The following BMP2K variants were observed in gnomAD, a reference collection of about 807,000 sequenced individuals.
BMP2K encodes BMP2 inducible kinase, also known as BMP-2-inducible protein kinase.
BMP2K carries 74 observed loss-of-function variants against 116.0 expected under a neutral mutation model. That is an observed-to-expected ratio of 0.64 (90% CI 0.53 to 0.77). The LOEUF is 0.77. Ranked by LOEUF, BMP2K falls within the 30% of genes least tolerant of loss-of-function variation. The pLI is 0.00. For missense variants in BMP2K, 1,365 were observed against 1,403.6 expected (o/e 0.97, Z 0.44); for synonymous variants, 486 against 502.5 (o/e 0.97, Z 0.44).
At chr4:78,909,744 T>G (rs1030356109) in intron 15 of BMP2K, among the ~76,000 whole-genome samples, 3 of 152,326 alleles carry the variant, frequency 2.0e-5, no homozygotes, top group African/African-American at 7.2e-5. Flanking sequence ...CCTGCTGTCC[T>G]TTATTTCAGA....
intron 9 of BMP2K, among the ~76,000 whole-genome samples, chr4:78,862,968 GT>G (rs1479091158): frequency 5.3e-5 from 8 of 151,950 alleles, no homozygotes; most frequent in African/African-American, 1.7e-4. Context: ...TGTGACTTCT[GT>G]TTTTTAAAAT....
At chr4:78,776,744 G>A in intron 1 of BMP2K, 23 bp downstream of exon 1, 6 of 1,220,086 alleles carry the variant, frequency 4.9e-6, no homozygotes, top group Non-Finnish European at 6.1e-6. Flanking sequence ...GGGGAGGCTC[G>A]GACAGGCAGG....
intron 13 of BMP2K, among the ~76,000 whole-genome samples, chr4:78,875,887 CAGAGCA>C (rs1208666855): frequency 6.6e-6 from 1 of 152,158 alleles, no homozygotes; most frequent in Admixed American, 6.5e-5. Context: ...ATCCAAGAGA[CAGAGCA>C]AGGAGGAATC....
At chr4:78,783,850 G>A (rs1727615731) in intron 1 of BMP2K, among the ~76,000 whole-genome samples, 1 of 151,824 alleles carries the variant, frequency 6.6e-6, no homozygotes, top group Non-Finnish European at 1.5e-5. Flanking sequence ...AAATAAAAGT[G>A]CTAAATTGTA....
intron 15 of BMP2K, among the ~76,000 whole-genome samples, chr4:78,888,799 A>G (rs891920838): frequency 2.0e-5 from 3 of 152,206 alleles, no homozygotes; most frequent in South Asian, 2.1e-4. Context: ...TGAATTGTCT[A>G]TCTTTGAATC....
At chr4:78,886,783 GGAT>G (rs1489280566) in intron 14 of BMP2K, among the ~76,000 whole-genome samples, 1 of 152,106 alleles carries the variant, frequency 6.6e-6, no homozygotes, top group African/African-American at 2.4e-5. Context: ...CCTACTTTAT[GGAT>G]GAATGACCAT....
chr4:78,800,053 C>A (rs1301920421), intron 1 of BMP2K, among the ~76,000 whole-genome samples: 1 of 152,154 alleles, frequency 6.6e-6, no homozygotes, highest in Non-Finnish European at 1.5e-5. Flanking sequence ...TTTACTCTTT[C>A]AATTTGAAAG....
intron 9 of BMP2K, 41 bp from the exon 10 acceptor site, chr4:78,865,516 T>G (rs1264965742): frequency 5.7e-6 from 9 of 1,574,422 alleles, no homozygotes; most frequent in Non-Finnish European, 7.8e-6. Context: ...AAATTAGAAA[T>G]AATCCCAGTA....
At chr4:78,878,161 A>G (rs1055304468) in intron 13 of BMP2K, among the ~76,000 whole-genome samples, 6 of 152,158 alleles carry the variant, frequency 3.9e-5, no homozygotes, top group Non-Finnish European at 8.8e-5. Context: ...TAATTTATAA[A>G]GCAGTCCTAG....
chr4:78,782,205 C>T (rs756404524), intron 1 of BMP2K, among the ~76,000 whole-genome samples: 2 of 152,162 alleles, frequency 1.3e-5, no homozygotes, highest in Non-Finnish European at 2.9e-5. Context: ...TGATCACTTC[C>T]TCCTTTCTGT....
At chr4:78,850,541 A>C (rs1176115088) in intron 6 of BMP2K, among the ~76,000 whole-genome samples, 1 of 151,980 alleles carries the variant, frequency 6.6e-6, no homozygotes, top group Admixed American at 6.6e-5. Flanking sequence ...ACTTTTAAAC[A>C]TGCTTTATAG....
intron 15 of BMP2K, among the ~76,000 whole-genome samples, chr4:78,892,466 C>T (rs1451787917): frequency 4.6e-5 from 7 of 152,072 alleles, no homozygotes; most frequent in Non-Finnish European, 1.0e-4. Context: ...TTTGTGTTTT[C>T]CCCTTTTTAT....
At chr4:78,861,547 G>A in intron 9 of BMP2K, 79 bp downstream of exon 9, 1 of 1,126,476 alleles carries the variant, frequency 8.9e-7, no homozygotes, top group South Asian at 1.4e-5. Flanking sequence ...AAGTGTAATT[G>A]ATTAAATATC....
intron 15 of BMP2K, among the ~76,000 whole-genome samples, chr4:78,892,103 C>T (rs1414055789): frequency 3.9e-5 from 6 of 152,062 alleles, no homozygotes; most frequent in African/African-American, 7.2e-5. Flanking sequence ...TTATGTTGGT[C>T]TCGTAAAATG....
chr4:78,883,095 A>G (rs985119907), intron 14 of BMP2K, among the ~76,000 whole-genome samples: 21 of 152,104 alleles, frequency 1.4e-4, no homozygotes, highest in Admixed American at 9.8e-4. Context: ...TTAAAATCCT[A>G]TATTTTTGCT....
Position 78,870,818 on chromosome 4 carries a change from T to C in BMP2K, c.1267T>C (p.Leu423=), listed in dbSNP as rs371557810. ...ACCTGGAAATGGCCCTGAAATTTTA[T>C]TGGGTCAGGGACCTCCTCAGCAGCC... is the stretch of plus-strand genomic sequence containing the variant. ...LRPGNGPEIL[L]GQGPPQQPPQ... The change falls in exon 11 of 16, where the codon TTG becomes CTG. Residue 423 remains leucine, a synonymous_variant. Transcript: ENST00000502613. The C allele has an allele frequency of 1.3e-4, 212 of 1,613,930 alleles. 1 individual carries two copies. The highest frequency in any genetic ancestry group is 4.3e-4 in the African/African-American group (32 of 74,910).
chr4:78,883,422 A>T (rs1010055235), intron 14 of BMP2K, among the ~76,000 whole-genome samples: 2 of 152,172 alleles, frequency 1.3e-5, no homozygotes, highest in Non-Finnish European at 2.9e-5. Flanking sequence ...ATGATTTTTT[A>T]AAAATTCAAT....
At chr4:78,799,416 T>G (rs1728459148) in intron 1 of BMP2K, among the ~76,000 whole-genome samples, 1 of 152,236 alleles carries the variant, frequency 6.6e-6, no homozygotes, top group African/African-American at 2.4e-5. Flanking sequence ...AATTTGAAAT[T>G]GGCATACAGG....
At chr4:78,802,906 A>G (rs927007196) in intron 1 of BMP2K, among the ~76,000 whole-genome samples, 1 of 151,564 alleles carries the variant, frequency 6.6e-6, no homozygotes, top group African/African-American at 2.4e-5. Context: ...CTGAAGTGCA[A>G]TGGCACATTC....
Sources: allele counts gnomAD v4.1 joint callset (sites outside exome capture counted in the v4.1 genomes callset), GRCh38; gene constraint gnomAD v4.1.1; transcripts MANE v1.5; gene names NCBI Gene and HGNC (gene_info 2026-07-23, HGNC 2026-07-21).